MAGI2: variants seen among roughly 807,000 people sequenced by gnomAD.
MAGI2 encodes the protein membrane-associated guanylate kinase, WW and PDZ domain-containing protein 2.
In MAGI2, 35 loss-of-function variants were observed where a neutral mutation model predicts 133.3. That is an observed-to-expected ratio of 0.26 (90% CI 0.20 to 0.35). The LOEUF (loss-of-function observed/expected upper bound fraction) is 0.35, where lower values mean the gene tolerates loss of function less well. MAGI2 is among the 10% of genes least tolerant of loss of function. MAGI2 has a pLI of 1.00. For synonymous variants in MAGI2, 729 were observed against 710.6 expected (o/e 1.03, Z -0.41); for missense variants, 1,636 against 1,863.4 (o/e 0.88, Z 2.25).
At chr7:78,091,242 T>C (rs1234083032) in intron 20 of MAGI2, among the ~76,000 whole-genome samples, 1 of 151,992 alleles carries the variant, frequency 6.6e-6, no homozygotes. Flanking sequence ...AGTGCAACAG[T>C]GTAGGGAGGC....
At chr7:79,346,210 C>G (rs185292127) in intron 1 of MAGI2, among the ~76,000 whole-genome samples, 31 of 152,048 alleles carry the variant, frequency 2.0e-4, no homozygotes, top group African/African-American at 7.2e-4. Flanking sequence ...TGAGTCCTTC[C>G]TTCAGCTCAC....
intron 2 of MAGI2, among the ~76,000 whole-genome samples, chr7:78,711,183 C>A (rs576067339): frequency 4.7e-4 from 71 of 152,090 alleles, no homozygotes; most frequent in Non-Finnish European, 9.4e-4. Context: ...TAATTAGACT[C>A]AACAAAGGAA....
intron 2 of MAGI2, among the ~76,000 whole-genome samples, chr7:78,830,018 T>C (rs1563555094): frequency 6.6e-6 from 1 of 152,086 alleles, no homozygotes; most frequent in Non-Finnish European, 1.5e-5. Context: ...TCTTTACTTT[T>C]TGTAAAATAT....
intron 6 of MAGI2, among the ~76,000 whole-genome samples, chr7:78,410,810 A>G (rs73701467): frequency 0.035 from 5,274 of 152,020 alleles, 297 homozygotes; most frequent in African/African-American, 0.12. Context: ...TGATGACTAG[A>G]CAGTAGTCAG....
At chr7:78,643,697 C>T (rs1054628728) in intron 2 of MAGI2, among the ~76,000 whole-genome samples, 3 of 151,930 alleles carry the variant, frequency 2.0e-5, no homozygotes, top group African/African-American at 7.2e-5. Context: ...AAAGTAATAA[C>T]AATATAGTGA....
At chr7:78,962,253 A>C (rs1007636724) in intron 2 of MAGI2, among the ~76,000 whole-genome samples, 1 of 152,132 alleles carries the variant, frequency 6.6e-6, no homozygotes, top group Non-Finnish European at 1.5e-5. Flanking sequence ...AAAGCAATCA[A>C]ATTTAAAATG....
At chr7:79,158,199 T>A (rs1441938634) in intron 1 of MAGI2, among the ~76,000 whole-genome samples, 2 of 151,982 alleles carry the variant, frequency 1.3e-5, no homozygotes. Context: ...TTTAGAAGTC[T>A]AAGAAAGAAA....
chr7:78,317,864 T>G lies in MAGI2; in HGVS notation c.1408+25914A>C, dbSNP rs541962824. On this transcript the variant is annotated intron_variant, in intron 9 of 21. Coordinates refer to ENST00000354212, the MANE Select transcript of MAGI2 (RefSeq NM_012301.4). ...AGGCAAACAGGGTCTGGAGTGCACC[T>G]GTAGCAGAGGGGCCTGACTGTTAGA... Among the ~76,000 whole-genome samples the G allele has an allele frequency of 2.6e-5, 4 of 152,276 alleles. No homozygotes were observed. In the South Asian group the frequency reaches 8.3e-4, roughly 32 times the overall value.
chr7:79,415,749 A>T (rs1235511634), intron 1 of MAGI2: 3 of 152,182 alleles, frequency 2.0e-5, no homozygotes, highest in African/African-American at 7.2e-5. Flanking sequence ...AAATGGTTCT[A>T]TCTATATTAT....
intron 2 of MAGI2, among the ~76,000 whole-genome samples, chr7:78,816,525 C>T (rs1789600929): frequency 6.6e-6 from 1 of 152,180 alleles, no homozygotes; most frequent in South Asian, 2.1e-4. Context: ...CAGAATGACT[C>T]TCTTATTAAG....
chr7:78,855,956 G>T lies in MAGI2; in HGVS notation c.418+151134C>A, dbSNP rs542025224. On this transcript the variant is annotated intron_variant, in intron 2 of 21. Transcript: ENST00000354212. ...TTCAATGATTGCCATTCTAACAGGT[G>T]TGAGATGGTATCTCATTGTGGTTTT... Among the ~76,000 whole-genome samples, 6 of 152,336 alleles carry T rather than the reference G, an allele frequency of 3.9e-5. No homozygotes were observed. In the South Asian group the frequency reaches 1.2e-3, roughly 32 times the overall value.
intron 2 of MAGI2, among the ~76,000 whole-genome samples, chr7:78,769,110 C>A (rs1825320862): frequency 6.6e-6 from 1 of 152,182 alleles, no homozygotes; most frequent in South Asian, 2.1e-4. Flanking sequence ...ATGTGTAGTA[C>A]AGGACAGTAG....
rs180812835 is a variant in MAGI2 at position 79,343,044 on chromosome 7, G to A, written c.301+109976C>T. Among the ~76,000 whole-genome samples the A allele has an allele frequency of 1.1e-3, 162 of 152,134 alleles. 1 individual carries two copies. The highest frequency in any genetic ancestry group is 9.7e-4 in the East Asian group (5 of 5,162). ...CTCCCAAAGTGCTGGGATTACAGGCGTGATCCATCATGCCCGGCCTGAGGA... is the reference window on the plus strand; with the variant it reads ...CTCCCAAAGTGCTGGGATTACAGGCATGATCCATCATGCCCGGCCTGAGGA... On this transcript the variant is annotated intron_variant, in intron 1 of 21. Transcript: ENST00000354212.
At chr7:78,125,641 A>G in intron 20 of MAGI2, 53 bp downstream of exon 20, 1 of 1,586,606 alleles carries the variant, frequency 6.3e-7, no homozygotes, top group Non-Finnish European at 8.6e-7. Flanking sequence ...CCAATACCAC[A>G]GTCGGTTTTT....
At chr7:78,607,866 G>T (rs934711236) in intron 3 of MAGI2, among the ~76,000 whole-genome samples, 1 of 152,190 alleles carries the variant, frequency 6.6e-6, no homozygotes, top group Admixed American at 6.5e-5. Flanking sequence ...CTCCAAGTTG[G>T]CCCACTCTTC....
At chr7:78,368,199 CA>C (rs575121104) in intron 7 of MAGI2, among the ~76,000 whole-genome samples, 127 of 152,264 alleles carry the variant, frequency 8.3e-4, no homozygotes, top group Admixed American at 4.1e-3. Flanking sequence ...TTTTCAGTGC[CA>C]AGAATGGCAT....
chr7:78,713,945 G>A (rs182286991), intron 2 of MAGI2, among the ~76,000 whole-genome samples: 65 of 151,672 alleles, frequency 4.3e-4, no homozygotes, highest in Non-Finnish European at 8.0e-4. Context: ...GTGCTTCCTC[G>A]TTTTCTGTTA....
At chr7:78,098,967 T>G (rs1817958037) in intron 20 of MAGI2, among the ~76,000 whole-genome samples, 1 of 151,982 alleles carries the variant, frequency 6.6e-6, no homozygotes, top group Non-Finnish European at 1.5e-5. Context: ...ATTCATGGAG[T>G]TTTTTTTATT....
chr7:78,448,190 C>G (rs1037534171), intron 6 of MAGI2, among the ~76,000 whole-genome samples: 3 of 151,986 alleles, frequency 2.0e-5, no homozygotes, highest in Non-Finnish European at 4.4e-5. Context: ...TAGGTTGATT[C>G]CATTATCTCC....
Sources: allele counts gnomAD v4.1 joint callset (sites outside exome capture counted in the v4.1 genomes callset), GRCh38; gene constraint gnomAD v4.1.1; transcripts MANE v1.5; gene names NCBI Gene and HGNC (gene_info 2026-07-23, HGNC 2026-07-21).